The following ADGRB3 variants were observed in gnomAD, a reference collection of about 807,000 sequenced individuals.
ADGRB3 encodes the protein brain-specific angiogenesis inhibitor 3.
Under a neutral mutation model 193.4 loss-of-function variants are expected in ADGRB3, and 37 were observed. The ratio of observed to expected loss-of-function variants is 0.19; its 90% CI spans 0.15 to 0.25. ADGRB3 has a LOEUF of 0.25. ADGRB3 is among the 10% of genes least tolerant of loss of function. The pLI, the probability that ADGRB3 is intolerant of heterozygous loss-of-function variation, is 1.00. For synonymous variants in ADGRB3, 690 were observed against 644.2 expected (o/e 1.07, Z -1.08); for missense variants, 1,637 against 1,852.9 (o/e 0.88, Z 2.14).
At chr6:68,809,750 G>T (rs1396293550) in intron 3 of ADGRB3, among the ~76,000 whole-genome samples, 2 of 152,162 alleles carry the variant, frequency 1.3e-5, no homozygotes, top group African/African-American at 4.8e-5. Context: ...CACAGGTCCT[G>T]TGGATCTCTT....
At chr6:68,696,896 G>A (rs141011215) in intron 3 of ADGRB3, among the ~76,000 whole-genome samples, 109 of 152,002 alleles carry the variant, frequency 7.2e-4, no homozygotes, top group African/African-American at 2.3e-3. Context: ...AAAACCTTTC[G>A]TCCTCCTGTA....
At chr6:68,668,695 A>G (rs2127293110) in intron 3 of ADGRB3, among the ~76,000 whole-genome samples, 1 of 152,034 alleles carries the variant, frequency 6.6e-6, no homozygotes, top group Non-Finnish European at 1.5e-5. Context: ...TCCAGTCTTC[A>G]TCCTCATCGC....
intron 3 of ADGRB3, among the ~76,000 whole-genome samples, chr6:68,842,668 T>C (rs1456630538): frequency 6.6e-6 from 1 of 151,996 alleles, no homozygotes; most frequent in Admixed American, 6.6e-5. Flanking sequence ...ACTCATTCTG[T>C]GATGCCAGTA....
chr6:68,838,423 A>G (rs1224370268), intron 3 of ADGRB3, among the ~76,000 whole-genome samples: 1 of 152,204 alleles, frequency 6.6e-6, no homozygotes, highest in Admixed American at 6.5e-5. Context: ...AAAAAGAAAC[A>G]AAGAAACAAA....
intron 11 of ADGRB3, among the ~76,000 whole-genome samples, chr6:68,999,979 G>A (rs1276673192): frequency 6.6e-6 from 1 of 151,314 alleles, no homozygotes; most frequent in Non-Finnish European, 1.5e-5. Context: ...AAAAATACTT[G>A]TTCATTTACT....
intron 17 of ADGRB3, among the ~76,000 whole-genome samples, chr6:69,121,079 T>C (rs1296119060): frequency 2.0e-5 from 3 of 149,036 alleles, no homozygotes; most frequent in African/African-American, 7.5e-5. Context: ...GGTCATAGGA[T>C]AATAGTGGAG....
intron 17 of ADGRB3, among the ~76,000 whole-genome samples, chr6:69,195,981 G>T (rs929922955): frequency 3.3e-5 from 5 of 152,094 alleles, no homozygotes; most frequent in African/African-American, 7.2e-5. Context: ...TTCATGGAAA[G>T]GACATAAATA....
chr6:68,743,910 A>G (rs1203313402), intron 3 of ADGRB3, among the ~76,000 whole-genome samples: 1 of 151,788 alleles, frequency 6.6e-6, no homozygotes, highest in African/African-American at 2.4e-5. Context: ...TGCTGGTGGA[A>G]GTGAGAATGG....
chr6:68,892,389 G>A (rs1335731192), intron 3 of ADGRB3, among the ~76,000 whole-genome samples: 3 of 152,094 alleles, frequency 2.0e-5, no homozygotes, highest in Non-Finnish European at 4.4e-5. Flanking sequence ...AGGCCTTTGT[G>A]TTCTTGTTCT....
intron 17 of ADGRB3, among the ~76,000 whole-genome samples, chr6:69,084,252 T>C (rs1168607420): frequency 5.9e-5 from 9 of 152,142 alleles, no homozygotes. Context: ...ATATAAACTA[T>C]GACATGAAAA....
intron 3 of ADGRB3, among the ~76,000 whole-genome samples, chr6:68,658,056 A>G (rs1404525538): frequency 2.0e-5 from 3 of 151,452 alleles, no homozygotes; most frequent in Non-Finnish European, 4.4e-5. Context: ...TCATAATCAC[A>G]ATACTAATGA....
At chr6:68,927,667 T>C (rs193100868) in intron 3 of ADGRB3, among the ~76,000 whole-genome samples, 1 of 152,238 alleles carries the variant, frequency 6.6e-6, no homozygotes, top group East Asian at 1.9e-4. Context: ...GGTAATAGTT[T>C]ATATATTTCA....
chr6:69,332,477 GGGAATA>G, intron 23 of ADGRB3: 2 of 985,356 alleles, frequency 2.0e-6, no homozygotes, highest in Non-Finnish European at 2.4e-6. Context: ...CCTCTGTGTT[GGGAATA>G]ATGACAAATC....
At chr6:69,138,652 G>A (rs557947584) in intron 17 of ADGRB3, among the ~76,000 whole-genome samples, 11 of 152,212 alleles carry the variant, frequency 7.2e-5, no homozygotes, top group Non-Finnish European at 1.5e-5. Flanking sequence ...CTTCTTTATT[G>A]GAGGTGCTAT....
intron 17 of ADGRB3, among the ~76,000 whole-genome samples, chr6:69,101,842 G>T (rs1773065337): frequency 6.6e-6 from 1 of 152,014 alleles, no homozygotes; most frequent in Non-Finnish European, 1.5e-5. Context: ...GGTAGAATAG[G>T]ATTTGAACTC....
intron 24 of ADGRB3, among the ~76,000 whole-genome samples, chr6:69,335,634 C>T (rs1017485507): frequency 2.6e-5 from 4 of 151,920 alleles, no homozygotes; most frequent in Non-Finnish European, 1.5e-5. Flanking sequence ...TTTTAGTTCA[C>T]AGAAAAGTAG....
intron 3 of ADGRB3, among the ~76,000 whole-genome samples, chr6:68,733,715 G>A (rs1765818957): frequency 6.6e-6 from 1 of 150,800 alleles, no homozygotes; most frequent in African/African-American, 2.5e-5. Context: ...TAGAAAGAGT[G>A]AATAAGACCT....
chr6:68,770,497 T>A (rs1330806989), intron 3 of ADGRB3, among the ~76,000 whole-genome samples: 1 of 152,084 alleles, frequency 6.6e-6, no homozygotes, highest in East Asian at 1.9e-4. Flanking sequence ...GCAATCTAGA[T>A]GAAATAATTA....
chr6:68,880,259 A>G (rs936879219), intron 3 of ADGRB3, among the ~76,000 whole-genome samples: 1 of 152,202 alleles, frequency 6.6e-6, no homozygotes, highest in Non-Finnish European at 1.5e-5. Flanking sequence ...TCCATCTGCT[A>G]GTAATTCCTG....
Sources: allele counts gnomAD v4.1 joint callset (sites outside exome capture counted in the v4.1 genomes callset), GRCh38; gene constraint gnomAD v4.1.1; transcripts MANE v1.5; gene names NCBI Gene and HGNC (gene_info 2026-07-23, HGNC 2026-07-21).